Variants in SNX30 observed in about 807,000 individuals in gnomAD.
SNX30 encodes sorting nexin family member 30.
SNX30 carries 24 observed loss-of-function variants against 46.4 expected under a neutral mutation model. The observed-to-expected ratio is 0.52, with a 90% confidence interval of 0.37 to 0.73. SNX30 has a LOEUF of 0.73. Ranked by LOEUF, SNX30 falls within the 30% of genes least tolerant of loss-of-function variation. The pLI is 0.00. For missense variants in SNX30, 533 were observed against 555.7 expected, an observed-to-expected ratio of 0.96 and a Z score of 0.41; for synonymous variants, 189 against 211.5, an observed-to-expected ratio of 0.89 and a Z score of 0.92.
chr9:112,881,673 C>A (rs1026411057), downstream of SNX30: 1 of 152,228 alleles, frequency 6.6e-6, no homozygotes, highest in Non-Finnish European at 1.5e-5. Flanking sequence ...TTCTTTTTGA[C>A]TGCTGCTTAT....
chr9:112,808,404 A>T (rs1338111197), intron 2 of SNX30, among the ~76,000 whole-genome samples: 3 of 152,144 alleles, frequency 2.0e-5, no homozygotes, highest in African/African-American at 7.2e-5. Flanking sequence ...TATCCACCCA[A>T]ATCTAAGGTA....
Position 112,798,116 on chromosome 9 carries a change from T to C in SNX30, c.157-6660T>C, listed in dbSNP as rs536669652. Among the ~76,000 whole-genome samples, 10 of 63,042 alleles carry C rather than the reference T, an allele frequency of 1.6e-4. No individual in the cohort carries two copies. The East Asian group carries it at 4.2e-3, about 26-fold the overall frequency. The allele number at this position is 63,042 out of a possible 152,430, so 41.4% of individuals were successfully genotyped here. A position where few individuals can be genotyped will look rare whatever the true frequency, so the allele number is the denominator to read the frequency against. ...TTCCTTGTTGAGGTTTGTTTTTTTT[T>C]TTTTCTTTTTTTTTTTTTTTTTTTA... On this transcript the variant is annotated intron_variant, in intron 1 of 8. Transcript: ENST00000374232.
At chr9:112,823,109 G>T (rs1840531345) in intron 3 of SNX30, among the ~76,000 whole-genome samples, 1 of 152,176 alleles carries the variant, frequency 6.6e-6, no homozygotes, top group African/African-American at 2.4e-5. Context: ...ATACAGGTGG[G>T]AAGTTCACTT....
chr9:112,809,988 C>T lies in SNX30; in HGVS notation c.348+5021C>T, dbSNP rs185165560. Among the ~76,000 whole-genome samples the T allele has an allele frequency of 7.4e-4, 113 of 152,144 alleles. 1 individual carries two copies. The highest frequency in any genetic ancestry group is 2.6e-3 in the African/African-American group (108 of 41,486). On this transcript the variant is annotated intron_variant, in intron 2 of 8. Transcript: ENST00000374232. Reference sequence around the variant, plus strand: ...AGATTGGAGAGTAGGATGGAGGCTCCTGGGAAGGCGGAGGAAGCTAGAATT... The same window carrying T: ...AGATTGGAGAGTAGGATGGAGGCTCTTGGGAAGGCGGAGGAAGCTAGAATT...
intron 1 of SNX30, among the ~76,000 whole-genome samples, chr9:112,784,289 C>T (rs1204079926): frequency 1.3e-5 from 2 of 152,106 alleles, no homozygotes; most frequent in Non-Finnish European, 2.9e-5. Flanking sequence ...CCTGTATTTC[C>T]CTCTTTATTT....
At chr9:112,772,106 G>A (rs945374961) in intron 1 of SNX30, among the ~76,000 whole-genome samples, 2 of 152,156 alleles carry the variant, frequency 1.3e-5, no homozygotes, top group African/African-American at 2.4e-5. Flanking sequence ...GCCAGTCTCC[G>A]TGAAAGAGGA....
At chr9:112,876,406 G>A (rs1189833086), downstream of SNX30, among the ~76,000 whole-genome samples, 1 of 152,004 alleles carries the variant, frequency 6.6e-6, no homozygotes, top group Non-Finnish European at 1.5e-5. Flanking sequence ...TTGAGCCCAA[G>A]AGTTAAAGAC....
intron 1 of SNX30, among the ~76,000 whole-genome samples, chr9:112,753,872 T>C (rs996264836): frequency 1.3e-5 from 2 of 152,194 alleles, no homozygotes; most frequent in East Asian, 1.9e-4. Context: ...TCTGAAGAAA[T>C]TTCTGTAGAG....
rs530920325 is a variant in SNX30, at chr9:112,863,902, C to T, written c.1102-345C>T. On this transcript the variant is annotated intron_variant, in intron 7 of 8. Transcript: ENST00000374232. ...GCTGTATATTTGCAAAGTCTGCACA[C>T]ACTTTCAAGTGTGGATGAGTAAATC... Among the ~76,000 whole-genome samples the T allele has an allele frequency of 1.1e-4, 17 of 152,350 alleles. No individual in the cohort carries two copies. In the South Asian group the frequency reaches 3.5e-3, roughly 32 times the overall value.
chr9:112,865,161 C>T (rs1261019894), intron 8 of SNX30, among the ~76,000 whole-genome samples: 11 of 137,840 alleles, frequency 8.0e-5, no homozygotes, highest in Non-Finnish European at 1.3e-4. Flanking sequence ...ACACCCCACA[C>T]ACAACCCCCC....
At chr9:112,786,882 T>A (rs892270067) in intron 1 of SNX30, among the ~76,000 whole-genome samples, 1 of 152,212 alleles carries the variant, frequency 6.6e-6, no homozygotes, top group African/African-American at 2.4e-5. Context: ...CCATTTTGGT[T>A]TAGAATACCC....
At chr9:112,763,892 T>G (rs2131354496) in intron 1 of SNX30, among the ~76,000 whole-genome samples, 1 of 151,930 alleles carries the variant, frequency 6.6e-6, no homozygotes, top group South Asian at 2.1e-4. Context: ...ACGGGGTACC[T>G]ATGTAATTTT....
intron 7 of SNX30, among the ~76,000 whole-genome samples, chr9:112,853,090 C>A (rs574949465): frequency 6.6e-6 from 1 of 152,156 alleles, no homozygotes; most frequent in Non-Finnish European, 1.5e-5. Flanking sequence ...GACAAATTGC[C>A]CAGCCTCTTT....
At chr9:112,794,823 T>C (rs1372168800) in intron 1 of SNX30, among the ~76,000 whole-genome samples, 3 of 152,220 alleles carry the variant, frequency 2.0e-5, no homozygotes, top group Non-Finnish European at 4.4e-5. Context: ...TGAAATTCTT[T>C]GAACCAGAGG....
chr9:112,756,782 A>G (rs1451137718), intron 1 of SNX30, among the ~76,000 whole-genome samples: 3 of 152,100 alleles, frequency 2.0e-5, no homozygotes, highest in Admixed American at 6.6e-5. Context: ...TTAACAGTTC[A>G]TCTGCTCTCT....
At chr9:112,787,663 A>C (rs1310302505) in intron 1 of SNX30, among the ~76,000 whole-genome samples, 4 of 151,960 alleles carry the variant, frequency 2.6e-5, no homozygotes, top group Non-Finnish European at 5.9e-5. Flanking sequence ...TAAGCTCCCA[A>C]AGAAGATTGG....
Position 112,764,478 on chromosome 9 carries a change from G to A in SNX30, c.156+13321G>A, listed in dbSNP as rs569742741. On this transcript the variant is annotated intron_variant, in intron 1 of 8. Transcript: ENST00000374232. ...AGTTTACTAGAACTCCAGGGCTTAA[G>A]CAATCCTCCTACCTCAGCCTACTGA... Among the ~76,000 whole-genome samples the A allele has an allele frequency of 1.4e-4, 21 of 152,314 alleles. No homozygotes were observed. The South Asian group carries it at 4.3e-3, about 32-fold the overall frequency.
chr9:112,817,500 A>G (rs1840419006), intron 2 of SNX30, among the ~76,000 whole-genome samples: 1 of 130,414 alleles, frequency 7.7e-6, no homozygotes, highest in East Asian at 2.2e-4. Flanking sequence ...TGGCATTTTT[A>G]TTCCAGCTCG....
At chr9:112,866,265 T>C (rs1841341651) in intron 8 of SNX30, among the ~76,000 whole-genome samples, 1 of 151,858 alleles carries the variant, frequency 6.6e-6, no homozygotes, top group African/African-American at 2.4e-5. Flanking sequence ...GGGGGCATAA[T>C]GCAGACTAAG....
Sources: gnomAD v4.1 joint callset for allele counts (sites outside exome capture counted in the v4.1 genomes callset) on GRCh38, gnomAD v4.1.1 for gene constraint, MANE v1.5 for transcripts, NCBI Gene and HGNC (gene_info 2026-07-23, HGNC 2026-07-21) for gene names.